The following NLRC5 variants were observed in gnomAD, a reference collection of about 807,000 sequenced individuals.
The protein encoded by NLRC5 is protein NLRC5.
Under a neutral mutation model 206.9 loss-of-function variants are expected in NLRC5, and 114 were observed. The ratio of observed to expected loss-of-function variants is 0.55; its 90% CI spans 0.47 to 0.64. NLRC5 has a LOEUF of 0.64. NLRC5 is among the 30% of genes least tolerant of loss of function. NLRC5 has a pLI of 0.00. For missense variants in NLRC5, 2,008 were observed against 2,305.5 expected (o/e 0.87, Z 2.64); for synonymous variants, 952 against 962.8 (o/e 0.99, Z 0.21).
intron 17 of NLRC5, 69 bp from the exon 18 acceptor site, chr16:57,041,416 G>C (rs1325544423): frequency 7.6e-7 from 1 of 1,313,004 alleles, no homozygotes; most frequent in Non-Finnish European, 1.1e-6. Context: ...TGTCTGGGGG[G>C]TGGGAAAGCG....
rs1490473159 is a variant in NLRC5, at chr16:57,047,750, C to G, written c.3422+122C>G. 24 of 803,712 alleles carry G rather than the reference C, an allele frequency of 3.0e-5. No homozygotes were observed. The East Asian group carries it at 5.6e-4, about 19-fold the overall frequency. 49.8% of individuals were successfully genotyped at this position (803,712 alleles called of 1,614,324 possible). ...TCGATTTCTTCCCACCAGCCCTGCC[C>G]CATGAGAGTCCCCTGGCCTTTGGTA... On this transcript the variant is annotated intron_variant, in intron 23 of 48. Transcript: ENST00000688547.
chr16:57,074,711 T>A, intron 39 of NLRC5, 28 bp downstream of exon 39: 1 of 1,606,022 alleles, frequency 6.2e-7, no homozygotes, highest in Non-Finnish European at 8.5e-7. Flanking sequence ...CCCATGGGAA[T>A]GAGTGGGAAG....
chr16:57,054,963 G>T, intron 25 of NLRC5, 69 bp from the exon 26 acceptor site: 1 of 1,600,246 alleles, frequency 6.2e-7, no homozygotes, highest in African/African-American at 1.3e-5. Context: ...CGGAGGAGGG[G>T]TGCTGGCCCC....
chr16:57,028,388 G>A lies in NLRC5; in HGVS notation c.2243+3G>A. ...TGTCCACAGCTGAAAGAAGTCAGGT[G>A]AGTGATCTCCAGGAGGGCTCACTGA... On this transcript the variant is annotated splice_donor_region_variant and intron_variant, in intron 8 of 48. Coordinates refer to ENST00000688547, the MANE Select transcript of NLRC5 (RefSeq NM_001384950.1). 1 of 1,612,960 alleles carries A rather than the reference G, an allele frequency of 6.2e-7. No individual in the cohort carries two copies. Among genetic ancestry groups the A allele is most frequent in the Non-Finnish European group, 8.5e-7 (1 of 1,178,956 alleles).
Position 57,077,699 on chromosome 16 carries a change from T to A in NLRC5, c.4920-20T>A. ...GGAGAGGGGGCATCAGAGGACCTGA[T>A]GGCTGCCCCCCTCCCACAGCCTCTC... On this transcript the variant is annotated intron_variant, in intron 41 of 48. Transcript: ENST00000688547. 1 of 1,549,580 alleles carries A rather than the reference T, an allele frequency of 6.5e-7. No homozygotes were observed. Among genetic ancestry groups the A allele is most frequent in the Non-Finnish European group, 8.7e-7 (1 of 1,145,632 alleles).
chr16:57,050,517 G>T (rs573796916), intron 23 of NLRC5, among the ~76,000 whole-genome samples: 1 of 152,072 alleles, frequency 6.6e-6, no homozygotes, highest in South Asian at 2.1e-4. Context: ...GGAAGGGGGA[G>T]GTGGAGAAGG....
At chr16:56,997,299 G>A (rs1485952048) in intron 1 of NLRC5, among the ~76,000 whole-genome samples, 1 of 152,164 alleles carries the variant, frequency 6.6e-6, no homozygotes, top group Non-Finnish European at 1.5e-5. Context: ...GTGGAATACT[G>A]TAGCCTGATG....
chr16:57,082,935 A>C lies in NLRC5; in HGVS notation c.*407A>C. 6.2e-6 allele frequency: 1 copy of C among 161,552 alleles called. No homozygotes were observed. The highest frequency in any genetic ancestry group is 1.3e-5 in the Non-Finnish European group (1 of 74,376). The allele number at this position is 161,552 out of a possible 1,614,324, so 10.0% of individuals were successfully genotyped here. A position where few individuals can be genotyped will look rare whatever the true frequency, so the allele number is the denominator to read the frequency against. Reference sequence around the variant, plus strand: ...AGGATACATGATTGTTGGTCTATATATGACACATGACAAATGTCCATGTCA... The same window carrying C: ...AGGATACATGATTGTTGGTCTATATCTGACACATGACAAATGTCCATGTCA... On this transcript the variant is annotated 3_prime_UTR_variant, in exon 49 of 49. Transcript: ENST00000688547.
At chr16:57,075,919 A>C (rs564971348) in intron 39 of NLRC5, 1 of 152,798 alleles carries the variant, frequency 6.5e-6, no homozygotes, top group Non-Finnish European at 1.5e-5. Context: ...TTTCTATTTT[A>C]TTTTTATTTT....
At chr16:57,031,194 T>C (rs1287318164) in intron 10 of NLRC5, among the ~76,000 whole-genome samples, 1 of 152,216 alleles carries the variant, frequency 6.6e-6, no homozygotes, top group Non-Finnish European at 1.5e-5. Context: ...TTTAAAACAC[T>C]CTTGCAGGAT....
chr16:56,994,990 C>A (rs564927923), intron 1 of NLRC5, among the ~76,000 whole-genome samples: 2 of 152,262 alleles, frequency 1.3e-5, no homozygotes, highest in Non-Finnish European at 2.9e-5. Context: ...GCCTGGCCAA[C>A]ATGGAGAAGC....
intron 1 of NLRC5, chr16:57,013,388 G>T: frequency 1.6e-6 from 1 of 630,096 alleles, no homozygotes; most frequent in Non-Finnish European, 2.9e-6. Flanking sequence ...TTACTAAGCT[G>T]TTGAACAATT....
intron 39 of NLRC5, among the ~76,000 whole-genome samples, chr16:57,076,529 C>T (rs2145062020): frequency 6.6e-6 from 1 of 152,354 alleles, no homozygotes; most frequent in South Asian, 2.1e-4. Context: ...AATGTAGAGA[C>T]TCCTCCTGGG....
intron 24 of NLRC5, 111 bp downstream of exon 24, chr16:57,051,732 C>A: frequency 1.3e-6 from 1 of 746,226 alleles, no homozygotes; most frequent in Non-Finnish European, 2.4e-6. Flanking sequence ...GCCTTTACCC[C>A]CTCCAACCCC....
chr16:57,033,713 G>T, intron 12 of NLRC5, 44 bp downstream of exon 12: 2 of 1,576,462 alleles, frequency 1.3e-6, no homozygotes, highest in Non-Finnish European at 1.7e-6. Flanking sequence ...GATATGATAT[G>T]GGGGAAAGTC....
In NLRC5 at chr16:57,026,213, G is replaced by T. The variant is rs778427595; in HGVS notation, c.1270G>T (p.Ala424Ser). 10 of 1,613,446 alleles carry T rather than the reference G, an allele frequency of 6.2e-6. No individual in the cohort carries two copies. The highest frequency in any genetic ancestry group is 1.3e-5 in the African/African-American group (1 of 74,908). ...CCTCCACCATCTGCTTCCTGACCAC[G>T]CCCCAGGCCAGTCTGTGGCCCTCCT... Reference protein sequence around the residue: ...LCLHHLLPDHAPGQSVALLPN... With the variant: ...LCLHHLLPDHSPGQSVALLPN... Residue 424 changes from alanine to serine, a missense_variant, in exon 6 of 49, where the codon GCC (alanine) becomes TCC (serine). By Grantham distance (99) the Ala-to-Ser change is moderately conservative (BLOSUM62 1). Coordinates refer to ENST00000688547, the MANE Select transcript of NLRC5 (RefSeq NM_001384950.1).
intron 3 of NLRC5, among the ~76,000 whole-genome samples, chr16:57,021,334 G>A (rs765912734): frequency 6.6e-6 from 1 of 152,008 alleles, no homozygotes; most frequent in Non-Finnish European, 1.5e-5. Context: ...TTTTTTGTTT[G>A]TTGTTGCTCT....
At chr16:56,992,887 T>C (rs2142093981) in intron 1 of NLRC5, among the ~76,000 whole-genome samples, 1 of 152,294 alleles carries the variant, frequency 6.6e-6, no homozygotes. Context: ...TTATATCATG[T>C]TTTAAAATTT....
chr16:57,074,827 T>G, intron 39 of NLRC5, 144 bp downstream of exon 39: 2 of 769,462 alleles, frequency 2.6e-6, no homozygotes, highest in East Asian at 5.2e-5. Flanking sequence ...CCCTCCCAGG[T>G]GGGTGCCCAC....
Sources: gnomAD v4.1 joint callset for allele counts (sites outside exome capture counted in the v4.1 genomes callset) on GRCh38, gnomAD v4.1.1 for gene constraint, MANE v1.5 for transcripts, NCBI Gene and HGNC (gene_info 2026-07-23, HGNC 2026-07-21) for gene names.